Variants in TMEM217B observed in about 807,000 individuals in gnomAD.
TMEM217B encodes the protein transmembrane protein 217B.
At chr6:37,242,316 TC>T in the TMEM217B span, among the ~76,000 whole-genome samples, 2 of 151,938 alleles carry the variant, frequency 1.3e-5, no homozygotes, top group East Asian at 3.9e-4. Flanking sequence ...ACCTCTCTAT[TC>T]CCCCCAAGGG....
the TMEM217B span, among the ~76,000 whole-genome samples, chr6:37,226,279 GTCTT>G: frequency 8.2e-6 from 1 of 121,258 alleles, no homozygotes; most frequent in South Asian, 2.8e-4. Flanking sequence ...TTTTGAGACA[GTCTT>G]TTTTTTTTTT....
the TMEM217B span, chr6:37,218,560 C>A: frequency 2.5e-6 from 4 of 1,614,094 alleles, no homozygotes; most frequent in Non-Finnish European, 3.4e-6. Context: ...TGCCCTGGCT[C>A]CGGTTTTTGT....
the TMEM217B span, among the ~76,000 whole-genome samples, chr6:37,226,405 G>A: frequency 6.9e-6 from 1 of 145,490 alleles, no homozygotes; most frequent in African/African-American, 2.6e-5. Flanking sequence ...CCATTCTCCT[G>A]CCTCAGCCTC....
At chr6:37,217,043 C>T in the TMEM217B span, among the ~76,000 whole-genome samples, 2 of 152,196 alleles carry the variant, frequency 1.3e-5, no homozygotes, top group East Asian at 1.9e-4. Context: ...CCTGTACTCC[C>T]AGCACTTTGG....
the TMEM217B span, among the ~76,000 whole-genome samples, chr6:37,246,420 C>G: frequency 6.6e-6 from 1 of 152,144 alleles, no homozygotes; most frequent in South Asian, 2.1e-4. Flanking sequence ...TATGATACTT[C>G]TTGAGGCAAA....
chr6:37,225,597 AAC>A, the TMEM217B span, among the ~76,000 whole-genome samples: 1 of 152,190 alleles, frequency 6.6e-6, no homozygotes, highest in African/African-American at 2.4e-5. Flanking sequence ...ATCCAACTAA[AAC>A]AGATAGCAAA....
the TMEM217B span, among the ~76,000 whole-genome samples, chr6:37,214,837 G>A: frequency 6.6e-6 from 1 of 152,136 alleles, no homozygotes. Context: ...GAGGGCCCAG[G>A]AGGGAGGCAG....
the TMEM217B span, among the ~76,000 whole-genome samples, chr6:37,217,162 C>T: frequency 6.6e-6 from 1 of 152,174 alleles, no homozygotes; most frequent in Non-Finnish European, 1.5e-5. Context: ...GGCATGGTGG[C>T]CTGTGCCTGT....
chr6:37,237,422 C>A, the TMEM217B span, among the ~76,000 whole-genome samples: 1 of 152,160 alleles, frequency 6.6e-6, no homozygotes, highest in Non-Finnish European at 1.5e-5. Flanking sequence ...TCTCTGGTAG[C>A]CCACTGTAAA....
chr6:37,215,095 C>G, the TMEM217B span: 1 of 1,488,944 alleles, frequency 6.7e-7, no homozygotes, highest in South Asian at 1.3e-5. Flanking sequence ...GCCTTGGTCT[C>G]CACCCTCGGC....
chr6:37,226,548 C>T, the TMEM217B span, among the ~76,000 whole-genome samples: 1 of 151,428 alleles, frequency 6.6e-6, no homozygotes, highest in Non-Finnish European at 1.5e-5. Context: ...CCGCCCGCCT[C>T]GGCCACCCAA....
At chr6:37,235,414 A>G in the TMEM217B span, among the ~76,000 whole-genome samples, 1,635 of 152,064 alleles carry the variant, frequency 0.011, 25 homozygotes, top group Middle Eastern at 0.044. Context: ...CGCCCAGGCT[A>G]GAGTGCAGTG....
At chr6:37,250,814 T>G in the TMEM217B span, among the ~76,000 whole-genome samples, 4 of 152,276 alleles carry the variant, frequency 2.6e-5, no homozygotes, top group Admixed American at 2.6e-4. Context: ...TTCTGTCTAT[T>G]CTATTTCATT....
the TMEM217B span, chr6:37,212,879 G>A: frequency 6.0e-6 from 9 of 1,491,704 alleles, no homozygotes; most frequent in Admixed American, 9.8e-5. Context: ...TAGCAAATGT[G>A]TGTCTTCTGG....
At chr6:37,236,707 C>A in the TMEM217B span, among the ~76,000 whole-genome samples, 6 of 151,954 alleles carry the variant, frequency 3.9e-5, no homozygotes, top group African/African-American at 1.5e-4. Flanking sequence ...CAAATTACCC[C>A]AAAACTTAGT....
chr6:37,240,183 T>C, the TMEM217B span, among the ~76,000 whole-genome samples: 1 of 152,236 alleles, frequency 6.6e-6, no homozygotes, highest in African/African-American at 2.4e-5. Flanking sequence ...TAGACACTTA[T>C]GATATAAAAC....
the TMEM217B span, chr6:37,218,957 G>C: frequency 1.2e-6 from 2 of 1,614,162 alleles, no homozygotes; most frequent in Non-Finnish European, 1.7e-6. Context: ...CATGTCTACG[G>C]CCATGATGGT....
the TMEM217B span, among the ~76,000 whole-genome samples, chr6:37,254,545 G>T: frequency 6.6e-6 from 1 of 152,320 alleles, no homozygotes; most frequent in East Asian, 1.9e-4. Flanking sequence ...ATGTAGGCAA[G>T]GATGTAGAGT....
chr6:37,249,937 T>C, the TMEM217B span, among the ~76,000 whole-genome samples: 1 of 152,240 alleles, frequency 6.6e-6, no homozygotes, highest in Non-Finnish European at 1.5e-5. Flanking sequence ...TGTTCACTTA[T>C]GCAGAAGACA....
Sources: gnomAD v4.1 joint callset for allele counts (sites outside exome capture counted in the v4.1 genomes callset) on GRCh38, gnomAD v4.1.1 for gene constraint, MANE v1.5 for transcripts, NCBI Gene and HGNC (gene_info 2026-07-23, HGNC 2026-07-21) for gene names.